GC: variants seen among roughly 807,000 people sequenced by gnomAD.
GC encodes the protein GC vitamin D binding protein.
In GC, 43 loss-of-function variants were observed where a neutral mutation model predicts 56.7. That is an observed-to-expected ratio of 0.76 (90% CI 0.59 to 0.98). GC has a LOEUF of 0.98. Ranked by LOEUF, GC falls within the 50% of genes least tolerant of loss-of-function variation. The pLI is 0.00. For synonymous variants in GC, 216 were observed against 202.7 expected (o/e 1.07, Z -0.56); for missense variants, 529 against 545.9 (o/e 0.97, Z 0.31).
intron 1 of GC, among the ~76,000 whole-genome samples, chr4:71,783,079 C>G (rs1742734725): frequency 6.6e-6 from 1 of 151,742 alleles, no homozygotes; most frequent in African/African-American, 2.4e-5. Flanking sequence ...ACTGATAATT[C>G]TTGGGAACAC....
intron 1 of GC, among the ~76,000 whole-genome samples, chr4:71,772,550 A>G (rs1327446847): frequency 1.3e-5 from 2 of 152,184 alleles, no homozygotes; most frequent in Non-Finnish European, 2.9e-5. Context: ...CCCATTAAAT[A>G]GTTTGAATTT....
chr4:71,793,323 C>G (rs972130483), intron 1 of GC, among the ~76,000 whole-genome samples: 2 of 151,996 alleles, frequency 1.3e-5, no homozygotes, highest in African/African-American at 2.4e-5. Context: ...TGTTTGTGTC[C>G]TCTTATTTTG....
At chr4:71,778,548 C>T (rs1242035566) in intron 1 of GC, among the ~76,000 whole-genome samples, 2 of 151,834 alleles carry the variant, frequency 1.3e-5, no homozygotes, top group Non-Finnish European at 2.9e-5. Flanking sequence ...AAATTTGGCC[C>T]TTATTACCAC....
chr4:71,777,876 G>C (rs569640018), intron 1 of GC, among the ~76,000 whole-genome samples: 1 of 151,514 alleles, frequency 6.6e-6, no homozygotes, highest in East Asian at 2.0e-4. Flanking sequence ...TCACACACTG[G>C]GGCCTGTCGG....
At chr4:71,774,691 T>C (rs1167655082) in intron 1 of GC, among the ~76,000 whole-genome samples, 1 of 152,028 alleles carries the variant, frequency 6.6e-6, no homozygotes, top group African/African-American at 2.4e-5. Context: ...TCTAAATATT[T>C]GACATGTATT....
chr4:71,797,485 A>C (rs939892063), intron 1 of GC, among the ~76,000 whole-genome samples: 1 of 152,252 alleles, frequency 6.6e-6, no homozygotes, highest in Admixed American at 6.5e-5. Flanking sequence ...TGGGCATGGG[A>C]CCTGCCGAGC....
At chr4:71,770,324 C>A (rs1272939310) in intron 1 of GC, among the ~76,000 whole-genome samples, 2 of 152,114 alleles carry the variant, frequency 1.3e-5, no homozygotes, top group Admixed American at 6.6e-5. Context: ...CCCAGCTCTA[C>A]CCCCAACAAA....
At chr4:71,782,820 A>T (rs1472440796) in intron 1 of GC, among the ~76,000 whole-genome samples, 1 of 151,782 alleles carries the variant, frequency 6.6e-6, no homozygotes, top group Non-Finnish European at 1.5e-5. Context: ...AAAGAATAAG[A>T]CTTAAAGGGA....
chr4:71,772,151 G>T (rs766184611), intron 1 of GC, among the ~76,000 whole-genome samples: 1 of 151,944 alleles, frequency 6.6e-6, no homozygotes, highest in South Asian at 2.1e-4. Context: ...CACTTGCTGG[G>T]GATTATAATC....
At chr4:71,794,029 T>C (rs1324177559) in intron 1 of GC, among the ~76,000 whole-genome samples, 1 of 152,204 alleles carries the variant, frequency 6.6e-6, no homozygotes, top group Non-Finnish European at 1.5e-5. Context: ...CTGGATAAGC[T>C]TTTTGATGTG....
chr4:71,788,665 G>T (rs1742899260), upstream of GC, among the ~76,000 whole-genome samples: 1 of 127,034 alleles, frequency 7.9e-6, no homozygotes, highest in East Asian at 2.4e-4. Flanking sequence ...GGAGAAAGAA[G>T]GAAAGAAAGA....
chr4:71,791,014 T>C (rs1015807192), intron 1 of GC, among the ~76,000 whole-genome samples: 1 of 151,948 alleles, frequency 6.6e-6, no homozygotes, highest in Admixed American at 6.6e-5. Flanking sequence ...AGAAGACATT[T>C]ATGCAGCCAA....
chr4:71,792,835 G>C (rs994608446), intron 1 of GC, among the ~76,000 whole-genome samples: 1 of 152,132 alleles, frequency 6.6e-6, no homozygotes, highest in Non-Finnish European at 1.5e-5. Flanking sequence ...ATTAATTTTT[G>C]TGTAAGGTGT....
chr4:71,787,370 G>T (rs1284504600), upstream of GC, among the ~76,000 whole-genome samples: 1 of 151,878 alleles, frequency 6.6e-6, no homozygotes, highest in African/African-American at 2.4e-5. Flanking sequence ...GCTTTCCACT[G>T]TCTTTGTTCA....
rs747944744 is a variant in GC at position 71,752,529 on chromosome 4, A to C, written c.1384T>G (p.Cys462Gly). The change falls in exon 11 of 13, where the codon TGT becomes GGT. Residue 462 changes from cysteine (C) to glycine (G), a missense_variant. Coordinates refer to ENST00000273951, the MANE Select transcript of GC (RefSeq NM_000583.4). ...TTACATTTTCCTACCTCTGAATCACAGTAAAGAGGAGGTGAGTTTATGGAA... is the reference window on the plus strand; with the variant it reads ...TTACATTTTCCTACCTCTGAATCACCGTAAAGAGGAGGTGAGTTTATGGAA... ...CCSINSPPLY[C>G]DSEIDAELKN... The C allele has an allele frequency of 4.3e-6, 7 of 1,611,868 alleles. No homozygotes were observed. In the East Asian group the frequency reaches 1.6e-4, roughly 36 times the overall value.
At chr4:71,804,458 C>T (rs1458295422), upstream of GC, among the ~76,000 whole-genome samples, 1 of 152,176 alleles carries the variant, frequency 6.6e-6, no homozygotes, top group Non-Finnish European at 1.5e-5. Flanking sequence ...AGACGGACCC[C>T]TCCCCTGGAG....
intron 6 of GC, among the ~76,000 whole-genome samples, chr4:71,761,087 A>C (rs2149298873): frequency 6.6e-6 from 1 of 152,298 alleles, no homozygotes; most frequent in East Asian, 1.9e-4. Context: ...AGGGCTCAGA[A>C]GAAGACAGGA....
intron 12 of GC, among the ~76,000 whole-genome samples, 153 bp from the exon 13 acceptor site, chr4:71,742,023 C>T (rs935892775): frequency 6.6e-6 from 1 of 152,148 alleles, no homozygotes; most frequent in African/African-American, 2.4e-5. Context: ...TCCACTATGG[C>T]CCATCTCATA....
intron 1 of GC, among the ~76,000 whole-genome samples, chr4:71,796,326 C>G (rs949784527): frequency 6.6e-6 from 1 of 152,224 alleles, no homozygotes; most frequent in Non-Finnish European, 1.5e-5. Flanking sequence ...GGTCTTTTCA[C>G]ATAGCCCCAT....
Sources: gnomAD v4.1 joint callset for allele counts (sites outside exome capture counted in the v4.1 genomes callset) on GRCh38, gnomAD v4.1.1 for gene constraint, MANE v1.5 for transcripts, NCBI Gene and HGNC (gene_info 2026-07-23, HGNC 2026-07-21) for gene names.